PRKN: variants seen among roughly 807,000 people sequenced by gnomAD.
The protein encoded by PRKN is E3 ubiquitin-protein ligase parkin.
A neutral mutation model predicts 59.5 loss-of-function variants in PRKN; 56 were observed. The observed-to-expected ratio is 0.94, with a 90% confidence interval of 0.76 to 1.18. The LOEUF (loss-of-function observed/expected upper bound fraction) is 1.18. PRKN is among the 50% of genes most tolerant of loss of function. The probability of loss-of-function intolerance (pLI) is 0.00; values close to 1 mark genes in which losing one functional copy is unlikely to be tolerated. For synonymous variants in PRKN, 250 were observed against 222.1 expected (o/e 1.13, Z -1.12); for missense variants, 657 against 596.4 (o/e 1.10, Z -1.06).
At chr6:161,856,771 A>G (rs6932149) in intron 6 of PRKN, among the ~76,000 whole-genome samples, 75,697 of 151,912 alleles carry the variant, frequency 0.5, 19,110 homozygotes, top group East Asian at 0.76. Context: ...CTGTTTCTTT[A>G]TTCTTGCTTC....
At chr6:161,985,102 C>A (rs1781387866) in intron 5 of PRKN, among the ~76,000 whole-genome samples, 1 of 152,212 alleles carries the variant, frequency 6.6e-6, no homozygotes, top group Non-Finnish European at 1.5e-5. Flanking sequence ...ACTTGTCTCA[C>A]CTCAACATAA....
At chr6:161,821,058 T>C (rs2128216131) in intron 6 of PRKN, among the ~76,000 whole-genome samples, 1 of 152,190 alleles carries the variant, frequency 6.6e-6, no homozygotes, top group Non-Finnish European at 1.5e-5. Context: ...GCCCACCATA[T>C]GGTTCATAGC....
At chr6:161,829,100 C>T (rs1792368207) in intron 6 of PRKN, among the ~76,000 whole-genome samples, 1 of 152,120 alleles carries the variant, frequency 6.6e-6, no homozygotes, top group Non-Finnish European at 1.5e-5. Context: ...GTGGCATGTG[C>T]CTGTAATCCC....
intron 1 of PRKN, among the ~76,000 whole-genome samples, chr6:162,509,064 CA>C (rs1562342022): frequency 6.6e-6 from 1 of 152,100 alleles, no homozygotes; most frequent in African/African-American, 2.4e-5. Flanking sequence ...CATTAAACTT[CA>C]AATAAATACT....
chr6:161,452,138 G>A (rs1418910940), intron 9 of PRKN, among the ~76,000 whole-genome samples: 1 of 151,864 alleles, frequency 6.6e-6, no homozygotes, highest in African/African-American at 2.4e-5. Context: ...ATTTTTAGTA[G>A]AGATGGTCTT....
chr6:162,671,168 T>G (rs529980687), intron 1 of PRKN, among the ~76,000 whole-genome samples: 3 of 152,310 alleles, frequency 2.0e-5, no homozygotes, highest in Non-Finnish European at 4.4e-5. Flanking sequence ...TTCTTTTCAC[T>G]ATACTGCTTA....
intron 7 of PRKN, among the ~76,000 whole-genome samples, chr6:161,782,869 C>T (rs1317805614): frequency 2.0e-5 from 3 of 151,346 alleles, no homozygotes; most frequent in East Asian, 3.9e-4. Flanking sequence ...ACTCCAGCCT[C>T]GGCGACAGAG....
intron 6 of PRKN, among the ~76,000 whole-genome samples, chr6:161,846,021 T>C (rs901202129): frequency 6.6e-6 from 1 of 152,172 alleles, no homozygotes; most frequent in African/African-American, 2.4e-5. Flanking sequence ...TAAAAGTCTT[T>C]TGTTGCATCT....
At position 161,456,231 on chromosome 6, in the gene PRKN, C is replaced by G. The variant is rs532850158; in HGVS notation, c.1084-69354G>C. 2.6e-5 allele frequency among the ~76,000 whole-genome samples: 4 copies of G among 152,268 alleles called. No homozygotes were observed. Among genetic ancestry groups the G allele is most frequent in the Admixed American group, 2.6e-4 (4 of 15,302 alleles). ...TCAGTCAGGATGGGCGAAATTGAAT[C>G]GGCTGCCAGTGCAGCTAAGATAAAA... is the stretch of plus-strand genomic sequence containing the variant. On this transcript the variant is annotated intron_variant, in intron 9 of 11. Coordinates refer to ENST00000366898, the MANE Select transcript of PRKN (RefSeq NM_004562.3). This position sits in a 1 kb window ranked among gnomAD's most constrained non-coding sequence, Gnocchi z 4.8.
At chr6:161,699,559 A>C (rs956231012) in intron 7 of PRKN, among the ~76,000 whole-genome samples, 7 of 152,170 alleles carry the variant, frequency 4.6e-5, no homozygotes, top group African/African-American at 1.7e-4. Context: ...CTATAATCTC[A>C]ATACCGTGTA....
chr6:162,704,399 A>C (rs2128237384), intron 1 of PRKN, among the ~76,000 whole-genome samples: 2 of 152,298 alleles, frequency 1.3e-5, no homozygotes, highest in Middle Eastern at 6.8e-3. Flanking sequence ...GGATGAAACC[A>C]GGTCATCACC....
rs141459924 is a variant in PRKN, at chr6:162,021,513, G to A, written c.618+32578C>T. ...TTTTTTAAAATAATCTTTTAATTTC[G>A]TTTCCATGAACATTTTGAAGTCCCT... is the stretch of plus-strand genomic sequence containing the variant. On this transcript the variant is annotated intron_variant, in intron 5 of 11. Transcript: ENST00000366898. Among the ~76,000 whole-genome samples the A allele has an allele frequency of 2.4e-3, 283 of 119,764 alleles. 4 individuals carry two copies. The highest frequency in any genetic ancestry group is 0.02 in the Admixed American group (230 of 11,226). 78.6% of individuals were successfully genotyped at this position (119,764 alleles called of 152,430 possible). A position where few individuals can be genotyped will look rare whatever the true frequency, so the allele number is the denominator to read the frequency against.
At chr6:162,487,400 T>C (rs1049660841) in intron 1 of PRKN, among the ~76,000 whole-genome samples, 2 of 152,148 alleles carry the variant, frequency 1.3e-5, no homozygotes, top group East Asian at 3.9e-4. Flanking sequence ...GCTGTGTGTA[T>C]CTCCCAGGCA....
chr6:162,390,209 G>T (rs760016342), intron 2 of PRKN, among the ~76,000 whole-genome samples: 10 of 151,542 alleles, frequency 6.6e-5, no homozygotes, highest in Non-Finnish European at 1.2e-4. Context: ...TCACTCTTTC[G>T]TTAACTGCTT....
At chr6:161,643,927 G>A (rs1562578827) in intron 7 of PRKN, among the ~76,000 whole-genome samples, 1 of 151,948 alleles carries the variant, frequency 6.6e-6, no homozygotes, top group Non-Finnish European at 1.5e-5. Flanking sequence ...TTATATGCCA[G>A]TTTGACATGT....
Position 162,431,163 on chromosome 6 carries a change from T to C in PRKN, c.171+12147A>G, listed in dbSNP as rs138284548. Among the ~76,000 whole-genome samples the C allele has an allele frequency of 7.7e-5, 11 of 143,470 alleles. No homozygotes were observed. In the East Asian group the frequency reaches 2.2e-3, roughly 29 times the overall value. The allele number at this position is 143,470 out of a possible 152,430, so 94.1% of individuals were successfully genotyped here. Reference sequence around the variant, plus strand: ...CAGTTTACCTGCTTATCACTGCATTTATCCCATTTAGTTGCTAAAAAAAAA... The same window carrying C: ...CAGTTTACCTGCTTATCACTGCATTCATCCCATTTAGTTGCTAAAAAAAAA... On this transcript the variant is annotated intron_variant, in intron 2 of 11. Coordinates refer to ENST00000366898, the MANE Select transcript of PRKN (RefSeq NM_004562.3).
intron 1 of PRKN, among the ~76,000 whole-genome samples, chr6:162,705,866 C>A (rs907829151): frequency 2.6e-5 from 4 of 152,038 alleles, no homozygotes; most frequent in African/African-American, 9.7e-5. Context: ...GGTAAACTCT[C>A]AGGGTGTGCA....
At chr6:161,825,725 C>A (rs377166915) in intron 6 of PRKN, among the ~76,000 whole-genome samples, 7 of 152,280 alleles carry the variant, frequency 4.6e-5, no homozygotes, top group African/African-American at 4.8e-5. Flanking sequence ...CTGCTCCCCC[C>A]GGGACACACC....
At chr6:161,922,276 C>A (rs4145609) in intron 6 of PRKN, among the ~76,000 whole-genome samples, 151,820 of 152,238 alleles carry the variant, frequency 1, 75,722 homozygotes, top group Middle Eastern at 1. Context: ...ATTCCTATTA[C>A]GTCTTATGGT....
Sources: gnomAD v4.1 joint callset for allele counts (sites outside exome capture counted in the v4.1 genomes callset) on GRCh38, gnomAD v4.1.1 for gene constraint, Gnocchi (gnomAD v3.1) non-coding constraint, MANE v1.5 for transcripts, NCBI Gene and HGNC (gene_info 2026-07-23, HGNC 2026-07-21) for gene names.